ADGRL2: variants seen among roughly 807,000 people sequenced by gnomAD.
ADGRL2 encodes calcium-independent alpha-latrotoxin receptor 2.
In ADGRL2, 44 loss-of-function variants were observed where a neutral mutation model predicts 157.4. The ratio of observed to expected loss-of-function variants is 0.28; its 90% CI spans 0.22 to 0.36. The LOEUF is 0.36. Among genes scored for constraint, ADGRL2 ranks in the 10% least tolerant of loss-of-function variants. The pLI is 1.00. For synonymous variants in ADGRL2, 585 were observed against 624.7 expected (o/e 0.94, Z 0.95); for missense variants, 1,510 against 1,768.9 (o/e 0.85, Z 2.63).
chr1:81,604,987 C>G (rs1442689796), intron 3 of ADGRL2, among the ~76,000 whole-genome samples: 1 of 152,188 alleles, frequency 6.6e-6, no homozygotes, highest in African/African-American at 2.4e-5. Context: ...CACATAATCT[C>G]TTTTCAGCTT....
At chr1:81,783,276 G>A (rs909838338) in intron 2 of ADGRL2, among the ~76,000 whole-genome samples, 1 of 151,312 alleles carries the variant, frequency 6.6e-6, no homozygotes, top group South Asian at 2.1e-4. Context: ...GGTGCACACC[G>A]CCATGCTGGC....
At chr1:81,645,580 A>G (rs1444492543) in intron 3 of ADGRL2, among the ~76,000 whole-genome samples, 3 of 152,068 alleles carry the variant, frequency 2.0e-5, no homozygotes, top group Admixed American at 1.3e-4. Context: ...GCATATATGA[A>G]CATATATAAG....
intron 1 of ADGRL2, among the ~76,000 whole-genome samples, chr1:81,316,362 G>T (rs1225550695): frequency 6.6e-6 from 1 of 152,024 alleles, no homozygotes; most frequent in Non-Finnish European, 1.5e-5. Flanking sequence ...TGATGTTCAG[G>T]ATCAAACAAA....
chr1:81,380,279 T>A (rs12029773), intron 1 of ADGRL2, among the ~76,000 whole-genome samples: 62,967 of 152,130 alleles, frequency 0.41, 14,038 homozygotes, highest in East Asian at 0.7. Flanking sequence ...CCTATCACTT[T>A]TAATGTGTGT....
chr1:81,763,898 C>G (rs2086001738), intron 2 of ADGRL2, among the ~76,000 whole-genome samples: 1 of 150,422 alleles, frequency 6.6e-6, no homozygotes, highest in Non-Finnish European at 1.5e-5. Context: ...CCCAGCTACT[C>G]CAGAGGCTGA....
At chr1:81,978,991 A>AT (rs1217615075) in intron 17 of ADGRL2, among the ~76,000 whole-genome samples, 1 of 151,748 alleles carries the variant, frequency 6.6e-6, no homozygotes, top group African/African-American at 2.4e-5. Context: ...GCTTAGTTCT[A>AT]TTTTTGGAGC....
At chr1:81,752,835 T>A (rs181785279) in intron 1 of ADGRL2, among the ~76,000 whole-genome samples, 70 of 152,364 alleles carry the variant, frequency 4.6e-4, no homozygotes, top group African/African-American at 1.6e-3. Context: ...CAGTAGGTAT[T>A]AAAATAGCAA....
At chr1:81,485,870 C>T (rs1188815669) in intron 2 of ADGRL2, among the ~76,000 whole-genome samples, 1 of 151,920 alleles carries the variant, frequency 6.6e-6, no homozygotes, top group Non-Finnish European at 1.5e-5. Context: ...GGATCAAAGA[C>T]CATCAGCACA....
intron 1 of ADGRL2, among the ~76,000 whole-genome samples, chr1:81,362,475 C>T (rs548931306): frequency 2.0e-5 from 3 of 151,846 alleles, no homozygotes; most frequent in Admixed American, 6.6e-5. Context: ...TTACATTGCC[C>T]TTCTATCATT....
At chr1:81,533,204 C>T (rs2079648171) in intron 2 of ADGRL2, among the ~76,000 whole-genome samples, 1 of 151,988 alleles carries the variant, frequency 6.6e-6, no homozygotes, top group African/African-American at 2.4e-5. Context: ...TATGGTGAAG[C>T]CCCGTCTCTA....
At chr1:81,695,736 G>C (rs1413673369), upstream of ADGRL2, among the ~76,000 whole-genome samples, 1 of 151,666 alleles carries the variant, frequency 6.6e-6, no homozygotes, top group African/African-American at 2.4e-5. Flanking sequence ...CAGGAGAATC[G>C]CTTGAAGCTG....
At chr1:81,934,065 C>G (rs952247067) in intron 3 of ADGRL2, among the ~76,000 whole-genome samples, 3 of 151,870 alleles carry the variant, frequency 2.0e-5, no homozygotes, top group African/African-American at 7.3e-5. Context: ...AATTTTATTG[C>G]AGGAGCTTCA....
chr1:81,511,531 A>T (rs1197508974), intron 2 of ADGRL2, among the ~76,000 whole-genome samples: 2 of 152,106 alleles, frequency 1.3e-5, no homozygotes, highest in Non-Finnish European at 2.9e-5. Context: ...GTTCTCTCAA[A>T]CTATTACTGT....
intron 1 of ADGRL2, among the ~76,000 whole-genome samples, chr1:81,805,997 AAATT>A (rs1281103549): frequency 6.6e-6 from 1 of 152,062 alleles, no homozygotes; most frequent in African/African-American, 2.4e-5. Flanking sequence ...ACTTAGGGAA[AAATT>A]AATGTGTTGT....
At chr1:81,600,921 C>G (rs2081321401) in intron 3 of ADGRL2, among the ~76,000 whole-genome samples, 2 of 152,096 alleles carry the variant, frequency 1.3e-5, no homozygotes, top group Admixed American at 1.3e-4. Context: ...CATCTAAAGT[C>G]TTAAATCATA....
intron 3 of ADGRL2, among the ~76,000 whole-genome samples, chr1:81,593,894 A>T (rs530021048): frequency 6.6e-6 from 1 of 152,298 alleles, no homozygotes; most frequent in East Asian, 1.9e-4. Context: ...ATGATGCCTA[A>T]ATTTTGCGAA....
rs144930196 is a variant in ADGRL2, at chr1:81,421,264, T to C, written c.-301-23772T>C. 1.2e-3 allele frequency among the ~76,000 whole-genome samples: 188 copies of C among 152,346 alleles called. 1 individual carries two copies. Among genetic ancestry groups the C allele is most frequent in the African/African-American group, 4.3e-3 (179 of 41,576 alleles). On this transcript the variant is annotated intron_variant, in intron 1 of 24. Coordinates refer to the ADGRL2 transcript ENST00000370721. ...ATTGCAAAGCCTACAATTTGCTGGG[T>C]TTGTTTTACTATTGATCCTCATCTT...
At chr1:81,961,447 G>A (rs770282877) in intron 11 of ADGRL2, among the ~76,000 whole-genome samples, 5 of 151,444 alleles carry the variant, frequency 3.3e-5, no homozygotes, top group Non-Finnish European at 7.4e-5. Context: ...TATGTACAGT[G>A]AATACTTTTC....
chr1:81,883,745 T>A lies in ADGRL2; in HGVS notation c.74-23272T>A, dbSNP rs376896195. ...TGGATTTTTGTAATTATTACTGTCTTCCTATTACTAGTTCAACTATATTGT... is the reference window on the plus strand; with the variant it reads ...TGGATTTTTGTAATTATTACTGTCTACCTATTACTAGTTCAACTATATTGT... On this transcript the variant is annotated intron_variant, in intron 2 of 23. Transcript: ENST00000686636. 2.6e-5 allele frequency among the ~76,000 whole-genome samples: 4 copies of A among 152,276 alleles called. No individual in the cohort carries two copies. The East Asian group carries it at 7.7e-4, about 29-fold the overall frequency.
Sources: allele counts gnomAD v4.1 joint callset (sites outside exome capture counted in the v4.1 genomes callset), GRCh38; gene constraint gnomAD v4.1.1; transcripts MANE v1.5; gene names NCBI Gene and HGNC (gene_info 2026-07-23, HGNC 2026-07-21).